Variants in FBXW7 observed in about 807,000 individuals in gnomAD.
The protein encoded by FBXW7 is F-box/WD repeat-containing protein 7.
A neutral mutation model predicts 86.3 loss-of-function variants in FBXW7; 11 were observed. That is an observed-to-expected ratio of 0.13 (90% CI 0.08 to 0.21). FBXW7 has a LOEUF of 0.21. Ranked by LOEUF, FBXW7 falls within the 10% of genes least tolerant of loss-of-function variation. FBXW7 has a pLI of 1.00. For missense variants in FBXW7, 488 were observed against 847.4 expected, an observed-to-expected ratio of 0.58 and a Z score of 5.27; for synonymous variants, 313 against 297.9, an observed-to-expected ratio of 1.05 and a Z score of -0.52.
chr4:152,526,775 C>A (rs1749551325), intron 2 of FBXW7, among the ~76,000 whole-genome samples: 1 of 152,128 alleles, frequency 6.6e-6, no homozygotes, highest in South Asian at 2.1e-4. Context: ...AAAACGGATT[C>A]TTTTCTGGTC....
intron 4 of FBXW7, among the ~76,000 whole-genome samples, chr4:152,366,131 C>T (rs1460857593): frequency 6.6e-6 from 1 of 152,122 alleles, no homozygotes; most frequent in Admixed American, 6.6e-5. Context: ...GTGAAAAATA[C>T]ATTTTACAGG....
intron 2 of FBXW7, among the ~76,000 whole-genome samples, chr4:152,516,822 T>C (rs1277576176): frequency 6.6e-6 from 1 of 152,202 alleles, no homozygotes; most frequent in East Asian, 1.9e-4. Flanking sequence ...TATGGTTGTT[T>C]CCGCTTTTTT....
intron 2 of FBXW7, among the ~76,000 whole-genome samples, chr4:152,461,856 A>G (rs1177111108): frequency 6.6e-6 from 1 of 152,188 alleles, no homozygotes; most frequent in Non-Finnish European, 1.5e-5. Context: ...TACCATCGAT[A>G]GGTCTTGGAA....
At chr4:152,498,906 T>A (rs990267091) in intron 2 of FBXW7, among the ~76,000 whole-genome samples, 4 of 152,174 alleles carry the variant, frequency 2.6e-5, no homozygotes, top group South Asian at 2.1e-4. Flanking sequence ...AATTTTTAGA[T>A]CTCAATTAGA....
chr4:152,340,891 T>C (rs968951043), intron 6 of FBXW7, among the ~76,000 whole-genome samples: 1 of 152,184 alleles, frequency 6.6e-6, no homozygotes, highest in African/African-American at 2.4e-5. Flanking sequence ...TTCAGTAAAA[T>C]AAACTCTATT....
rs117823212 is a variant in FBXW7 at position 152,528,412 on chromosome 4, A to G, written c.-120+6529T>C. On this transcript the variant is annotated intron_variant, in intron 2 of 13. Coordinates refer to ENST00000281708, the MANE Select transcript of FBXW7 (RefSeq NM_001349798.2). Reference sequence around the variant, plus strand: ...TTGTTTCTGATTTTCAACTACGTGCATGGCAGGATAATACAAGACGAACAC... The same window carrying G: ...TTGTTTCTGATTTTCAACTACGTGCGTGGCAGGATAATACAAGACGAACAC... 8.9e-3 allele frequency among the ~76,000 whole-genome samples: 1,362 copies of G among 152,340 alleles called. 17 individuals carry two copies. The highest frequency in any genetic ancestry group is 0.042 in the East Asian group (220 of 5,182).
At chr4:152,497,124 A>C (rs1746423595) in intron 2 of FBXW7, among the ~76,000 whole-genome samples, 1 of 152,092 alleles carries the variant, frequency 6.6e-6, no homozygotes, top group Non-Finnish European at 1.5e-5. Flanking sequence ...GGAGTTGGAG[A>C]CCAGCCTGGA....
At chr4:152,420,099 A>G (rs985090065) in intron 2 of FBXW7, among the ~76,000 whole-genome samples, 3 of 152,208 alleles carry the variant, frequency 2.0e-5, no homozygotes, top group African/African-American at 7.2e-5. Context: ...CTCCCAAACC[A>G]CCGCTGCTTT....
chr4:152,535,973 C>A lies in FBXW7; in HGVS notation c.-1059G>T. The A allele has an allele frequency of 3.7e-6, 1 of 270,306 alleles. No homozygotes were observed. The highest frequency in any genetic ancestry group is 6.9e-6 in the Non-Finnish European group (1 of 144,288). The allele number at this position is 270,306 out of a possible 1,614,324, so 16.7% of individuals were successfully genotyped here. A position where few individuals can be genotyped will look rare whatever the true frequency, so the allele number is the denominator to read the frequency against. ...GCCAGTGCAGGGGGACTGGATCTCTCGGATGCTCCTTCGCTCTCAGTCTCA... is the reference window on the plus strand; with the variant it reads ...GCCAGTGCAGGGGGACTGGATCTCTAGGATGCTCCTTCGCTCTCAGTCTCA... On this transcript the variant is annotated 5_prime_UTR_variant, in exon 1 of 14. Coordinates refer to ENST00000281708, the MANE Select transcript of FBXW7 (RefSeq NM_001349798.2).
intron 2 of FBXW7, among the ~76,000 whole-genome samples, chr4:152,469,287 T>G (rs774056096): frequency 3.3e-5 from 5 of 152,268 alleles, no homozygotes; most frequent in Non-Finnish European, 5.9e-5. Flanking sequence ...AATCATTTTA[T>G]ATCTATATAA....
At chr4:152,531,612 C>G (rs1165570097) in intron 2 of FBXW7, among the ~76,000 whole-genome samples, 1 of 150,456 alleles carries the variant, frequency 6.6e-6, no homozygotes, top group Non-Finnish European at 1.5e-5. Context: ...ACTGTGCCTA[C>G]ACAGGGATAT....
rs565932503 is a variant in FBXW7 at position 152,509,072 on chromosome 4, C to T, written c.-120+25869G>A. 8.5e-5 allele frequency among the ~76,000 whole-genome samples: 13 copies of T among 152,202 alleles called. No homozygotes were observed. In the South Asian group the frequency reaches 2.7e-3, roughly 32 times the overall value. Reference sequence around the variant, plus strand: ...CAGTACTCTTCCAAAGTATAACAGTCACAAAAGGCAAAGAAAGACTGGAAT... The same window carrying T: ...CAGTACTCTTCCAAAGTATAACAGTTACAAAAGGCAAAGAAAGACTGGAAT... On this transcript the variant is annotated intron_variant, in intron 2 of 13. Coordinates refer to ENST00000281708, the MANE Select transcript of FBXW7 (RefSeq NM_001349798.2).
At chr4:152,394,626 C>T (rs775687691) in intron 4 of FBXW7, among the ~76,000 whole-genome samples, 132 of 152,042 alleles carry the variant, frequency 8.7e-4, no homozygotes, top group Non-Finnish European at 1.5e-3. Flanking sequence ...AGCATTCCTC[C>T]CAGCCTGAAC....
chr4:152,331,286 C>T (rs1729539581), intron 8 of FBXW7, among the ~76,000 whole-genome samples: 1 of 151,992 alleles, frequency 6.6e-6, no homozygotes, highest in Admixed American at 6.6e-5. Flanking sequence ...TACACCCATG[C>T]TCATAGCAGG....
At chr4:152,460,756 C>G (rs556229402) in intron 2 of FBXW7, among the ~76,000 whole-genome samples, 54 of 152,098 alleles carry the variant, frequency 3.6e-4, no homozygotes, top group Non-Finnish European at 5.6e-4. Flanking sequence ...GTTTATCCTG[C>G]TTGAAGTTTG....
intron 4 of FBXW7, among the ~76,000 whole-genome samples, chr4:152,379,517 CTAATT>C (rs1382176136): frequency 6.6e-6 from 1 of 152,010 alleles, no homozygotes; most frequent in Non-Finnish European, 1.5e-5. Flanking sequence ...TTTCTCTCTT[CTAATT>C]TTAGTTTTTT....
At chr4:152,403,279 G>A (rs1206721000) in intron 4 of FBXW7, among the ~76,000 whole-genome samples, 1 of 151,848 alleles carries the variant, frequency 6.6e-6, no homozygotes, top group Admixed American at 6.6e-5. Flanking sequence ...GGAGTTCGAG[G>A]CCAGCCTGGC....
At chr4:152,432,632 C>A (rs1044513725) in intron 2 of FBXW7, among the ~76,000 whole-genome samples, 1 of 151,946 alleles carries the variant, frequency 6.6e-6, no homozygotes, top group Non-Finnish European at 1.5e-5. Flanking sequence ...CATAGTGAAC[C>A]CCCATCTCTA....
At chr4:152,523,073 G>T (rs1364847209) in intron 2 of FBXW7, among the ~76,000 whole-genome samples, 1 of 152,198 alleles carries the variant, frequency 6.6e-6, no homozygotes, top group African/African-American at 2.4e-5. Flanking sequence ...AAATTAACAA[G>T]CATTTTTTAA....
Sources: gnomAD v4.1 joint callset for allele counts (sites outside exome capture counted in the v4.1 genomes callset) on GRCh38, gnomAD v4.1.1 for gene constraint, MANE v1.5 for transcripts, NCBI Gene and HGNC (gene_info 2026-07-23, HGNC 2026-07-21) for gene names.